The following XCR1 variants were observed in gnomAD, a reference collection of about 807,000 sequenced individuals.
XCR1 encodes X-C motif chemokine receptor 1.
For missense variants in XCR1, 356 were observed against 424.2 expected, an observed-to-expected ratio of 0.84 and a Z score of 1.41; for synonymous variants, 187 against 188.5, an observed-to-expected ratio of 0.99 and a Z score of 0.06.
At position 46,020,675 on chromosome 3, in the gene XCR1, T is replaced by A. The variant is rs1708121987; in HGVS notation, c.*271A>T. The stretch of plus-strand genomic sequence containing the variant: ...ACTAAACAGTGATTAGAAACACATG[T>A]CTAAATGAAGGAGCGTGCAAGATGA... On this transcript the variant is annotated 3_prime_UTR_variant, in exon 2 of 2. Transcript: ENST00000309285. 4.0e-6 allele frequency: 2 copies of A among 506,098 alleles called. No homozygotes were observed. Among genetic ancestry groups the A allele is most frequent in the Non-Finnish European group, 7.0e-6 (2 of 284,088 alleles). 31.4% of individuals were successfully genotyped at this position (506,098 alleles called of 1,614,324 possible).
intron 5 of XCR1, among the ~76,000 whole-genome samples, chr3:46,051,470 G>A (rs1697742195): frequency 6.6e-6 from 1 of 152,162 alleles, no homozygotes; most frequent in South Asian, 2.1e-4. Flanking sequence ...CAGGATGGGG[G>A]CCAATTGTCT....
chr3:46,046,985 G>A (rs1053154183), intron 5 of XCR1, among the ~76,000 whole-genome samples: 1 of 152,184 alleles, frequency 6.6e-6, no homozygotes, highest in African/African-American at 2.4e-5. Context: ...TGATTAAAAT[G>A]ACAACGCAAT....
rs183367005 is a variant in XCR1, at chr3:46,054,038, T to C, written c.-150A>G. 1.4e-3 allele frequency among the ~76,000 whole-genome samples: 210 copies of C among 152,104 alleles called. 1 individual carries two copies. Among genetic ancestry groups the C allele is most frequent in the Middle Eastern group, 0.01 (3 of 294 alleles). Reference sequence around the variant, plus strand: ...CGTCCTCAAAGTCCCTTTTCTGGGGTGCCACTATGTAACCCACATGGACCT... The same window carrying C: ...CGTCCTCAAAGTCCCTTTTCTGGGGCGCCACTATGTAACCCACATGGACCT... On this transcript the variant is annotated 5_prime_UTR_variant, in exon 5 of 6. Transcript: ENST00000683768.
At chr3:46,046,515 G>A (rs1697630293) in intron 5 of XCR1, among the ~76,000 whole-genome samples, 1 of 152,330 alleles carries the variant, frequency 6.6e-6, no homozygotes, top group South Asian at 2.1e-4. Context: ...ACAGTTTGCT[G>A]TTTGATCATA....
At chr3:46,042,045 G>C (rs546353370) in intron 5 of XCR1, among the ~76,000 whole-genome samples, 1 of 152,290 alleles carries the variant, frequency 6.6e-6, no homozygotes, top group African/African-American at 2.4e-5. Context: ...AACCCAGAGT[G>C]AACCACTGGT....
intron 1 of XCR1, chr3:46,023,446 G>A: frequency 1.3e-6 from 2 of 1,507,752 alleles, no homozygotes; most frequent in Admixed American, 1.7e-5. Flanking sequence ...GACACAATCT[G>A]AGCAGGCTCG....
intron 4 of XCR1, among the ~76,000 whole-genome samples, chr3:46,063,410 A>G (rs1257485947): frequency 6.6e-6 from 1 of 152,200 alleles, no homozygotes; most frequent in Non-Finnish European, 1.5e-5. Flanking sequence ...CTTTCACCCC[A>G]GTCCAGCAGA....
At chr3:46,085,474 T>G (rs969872983) in intron 1 of XCR1, among the ~76,000 whole-genome samples, 2 of 152,194 alleles carry the variant, frequency 1.3e-5, no homozygotes, top group Non-Finnish European at 2.9e-5. Context: ...CCAAGTATTT[T>G]TTTCTCCATT....
chr3:46,073,850 G>C (rs942076779), intron 3 of XCR1, among the ~76,000 whole-genome samples: 1 of 151,200 alleles, frequency 6.6e-6, no homozygotes. Flanking sequence ...AATCATCAGA[G>C]AAATGCAGAT....
At chr3:46,061,515 C>G (rs2125901083) in intron 4 of XCR1, among the ~76,000 whole-genome samples, 1 of 152,352 alleles carries the variant, frequency 6.6e-6, no homozygotes, top group Non-Finnish European at 1.5e-5. Context: ...CTACTGAGTT[C>G]ACCCTTTGGT....
chr3:46,049,495 T>C (rs2125899050), intron 5 of XCR1, among the ~76,000 whole-genome samples: 1 of 152,334 alleles, frequency 6.6e-6, no homozygotes, highest in African/African-American at 2.4e-5. Flanking sequence ...TGTTGAAGTC[T>C]TAAAAATAAG....
At chr3:46,073,906 TA>T (rs547551677) in intron 3 of XCR1, among the ~76,000 whole-genome samples, 6,810 of 142,720 alleles carry the variant, frequency 0.048, 197 homozygotes, top group African/African-American at 0.085. Context: ...GAATGGCAAT[TA>T]AAAAAAAAAA....
At chr3:46,069,160 G>A (rs115281307) in intron 3 of XCR1, among the ~76,000 whole-genome samples, 6,814 of 151,714 alleles carry the variant, frequency 0.045, 201 homozygotes, top group African/African-American at 0.081. Flanking sequence ...AAGAGAAAAT[G>A]TCTCACATAA....
In XCR1 at chr3:46,032,910, C is replaced by T. The variant is rs766602633; in HGVS notation, c.-31-10932G>A. On this transcript the variant is annotated intron_variant, in intron 5 of 5. Transcript: ENST00000683768. The stretch of plus-strand genomic sequence containing the variant: ...TTGAGCATCTTTTCATATGCAATTT[C>T]GAATCTGTCTATCATCTGTGGTGAA... Among the ~76,000 whole-genome samples the T allele has an allele frequency of 2.4e-4, 36 of 152,240 alleles. 1 individual carries two copies. The highest frequency in any genetic ancestry group is 1.3e-4 in the Admixed American group (2 of 15,296).
intron 5 of XCR1, among the ~76,000 whole-genome samples, chr3:46,043,520 A>G (rs1697571281): frequency 1.3e-5 from 2 of 152,060 alleles, no homozygotes; most frequent in Admixed American, 1.3e-4. Flanking sequence ...TGAAAAACCA[A>G]CAGCTGATCT....
chr3:46,054,088 A>G (rs1020680703), intron 4 of XCR1, among the ~76,000 whole-genome samples: 1 of 152,210 alleles, frequency 6.6e-6, no homozygotes, highest in South Asian at 2.1e-4. Context: ...AAGGGGGGCA[A>G]ACGCGGGAAT....
chr3:46,069,429 A>G (rs1698129975), intron 3 of XCR1, among the ~76,000 whole-genome samples: 1 of 152,222 alleles, frequency 6.6e-6, no homozygotes, highest in African/African-American at 2.4e-5. Flanking sequence ...CCCTGCAGAC[A>G]TCAAAGGATA....
At chr3:46,048,351 G>A (rs749955889) in intron 5 of XCR1, among the ~76,000 whole-genome samples, 8 of 152,134 alleles carry the variant, frequency 5.3e-5, no homozygotes, top group Non-Finnish European at 1.0e-4. Context: ...TGGCTAACAT[G>A]GCCAAGAACA....
At chr3:46,073,798 A>T (rs907886674) in intron 3 of XCR1, among the ~76,000 whole-genome samples, 1 of 152,144 alleles carries the variant, frequency 6.6e-6, no homozygotes, top group African/African-American at 2.4e-5. Flanking sequence ...AAGAAGATAT[A>T]CAAATGACCA....
Sources: gnomAD v4.1 joint callset for allele counts (sites outside exome capture counted in the v4.1 genomes callset) on GRCh38, gnomAD v4.1.1 for gene constraint, MANE v1.5 for transcripts, NCBI Gene and HGNC (gene_info 2026-07-23, HGNC 2026-07-21) for gene names.